EXOC4: variants seen among roughly 807,000 people sequenced by gnomAD.
EXOC4 encodes the protein SEC8-like 1.
Under a neutral mutation model 107.2 loss-of-function variants are expected in EXOC4, and 71 were observed. The ratio of observed to expected loss-of-function variants is 0.66; its 90% CI spans 0.55 to 0.81. The LOEUF is 0.81. Ranked by LOEUF, EXOC4 falls within the 30% of genes least tolerant of loss-of-function variation. The probability of loss-of-function intolerance (pLI) is 0.00; values close to 1 mark genes in which losing one functional copy is unlikely to be tolerated. For synonymous variants in EXOC4, 456 were observed against 441.2 expected, an observed-to-expected ratio of 1.03 and a Z score of -0.42; for missense variants, 1,108 against 1,189.6, an observed-to-expected ratio of 0.93 and a Z score of 1.01.
chr7:133,612,745 A>G (rs547995306), intron 9 of EXOC4, among the ~76,000 whole-genome samples: 3 of 152,180 alleles, frequency 2.0e-5, no homozygotes. Context: ...GGTGAGAGGT[A>G]CTGGGATTCT....
At chr7:133,563,430 A>G (rs540009828) in intron 9 of EXOC4, among the ~76,000 whole-genome samples, 4 of 152,128 alleles carry the variant, frequency 2.6e-5, no homozygotes, top group Admixed American at 1.3e-4. Flanking sequence ...TTTCTCCTCC[A>G]TCTTACATGT....
At chr7:133,730,786 A>G (rs974247455) in intron 10 of EXOC4, among the ~76,000 whole-genome samples, 1 of 152,156 alleles carries the variant, frequency 6.6e-6, no homozygotes, top group African/African-American at 2.4e-5. Flanking sequence ...TATGTGCTAT[A>G]TTGGTTTTAT....
chr7:134,064,177 G>A lies in EXOC4; in HGVS notation c.2688-114G>A, dbSNP rs1404762400. ...GGTGGGGCCTAGAACACTGCCTGCT[G>A]ATCAATCGTTATGAAGTAAGTAGAG... On this transcript the variant is annotated intron_variant, in intron 17 of 17. Coordinates refer to ENST00000253861, the MANE Select transcript of EXOC4 (RefSeq NM_021807.4). 4.0e-5 allele frequency: 25 copies of A among 617,980 alleles called. No individual in the cohort carries two copies. The Admixed American group carries it at 7.0e-4, about 17-fold the overall frequency. The allele number at this position is 617,980 out of a possible 1,614,324, so 38.3% of individuals were successfully genotyped here.
chr7:133,470,920 G>A (rs1352583782), intron 7 of EXOC4, among the ~76,000 whole-genome samples: 1 of 152,050 alleles, frequency 6.6e-6, no homozygotes. Context: ...GAACCCATAG[G>A]TGTGTGCTTA....
rs1015838964 is a variant in EXOC4, at chr7:133,526,118, C to T, written c.1417+45980C>T. 1.5e-4 allele frequency among the ~76,000 whole-genome samples: 23 copies of T among 152,174 alleles called. 1 individual carries two copies. The highest frequency in any genetic ancestry group is 5.5e-4 in the African/African-American group (23 of 41,446). Reference sequence around the variant, plus strand: ...TTCACTTATTCTGCCAGAAGAGACACTTGGTTGGTACATTATTTTCTTTTT... The same window carrying T: ...TTCACTTATTCTGCCAGAAGAGACATTTGGTTGGTACATTATTTTCTTTTT... On this transcript the variant is annotated intron_variant, in intron 9 of 17. Transcript: ENST00000253861.
chr7:133,723,262 G>T (rs572676436), intron 10 of EXOC4, among the ~76,000 whole-genome samples: 2 of 152,314 alleles, frequency 1.3e-5, no homozygotes, highest in South Asian at 4.1e-4. Context: ...GCTGCAGCTG[G>T]CACTAGCTGG....
At chr7:133,778,152 G>C (rs779121152) in intron 10 of EXOC4, among the ~76,000 whole-genome samples, 1 of 152,194 alleles carries the variant, frequency 6.6e-6, no homozygotes, top group Non-Finnish European at 1.5e-5. Flanking sequence ...AGTATTACGA[G>C]TTTTGACCCA....
chr7:133,729,674 A>T (rs530677221), intron 10 of EXOC4, among the ~76,000 whole-genome samples: 12 of 152,078 alleles, frequency 7.9e-5, no homozygotes, highest in Non-Finnish European at 1.8e-4. Flanking sequence ...AAGACTTCTC[A>T]AGCTTTCTTG....
intron 9 of EXOC4, among the ~76,000 whole-genome samples, chr7:133,613,132 G>T (rs936687583): frequency 6.6e-6 from 1 of 151,958 alleles, no homozygotes; most frequent in African/African-American, 2.4e-5. Flanking sequence ...ACTATATATT[G>T]ATATTAGTCT....
intron 7 of EXOC4, among the ~76,000 whole-genome samples, chr7:133,410,388 G>A (rs1584895076): frequency 1.3e-5 from 2 of 152,186 alleles, no homozygotes; most frequent in African/African-American, 2.4e-5. Context: ...CTGTGTGTGT[G>A]ATTTTTTTTC....
chr7:133,451,780 G>A (rs1798353542), intron 7 of EXOC4, among the ~76,000 whole-genome samples: 1 of 152,048 alleles, frequency 6.6e-6, no homozygotes, highest in African/African-American at 2.4e-5. Flanking sequence ...CTTCACTAAG[G>A]TCTCCAGCAT....
rs1799232246 is a variant in EXOC4 at position 133,893,253 on chromosome 7, G to A, written c.1735-2346G>A. Among the ~76,000 whole-genome samples, 2 of 78,526 alleles carry A rather than the reference G, an allele frequency of 2.5e-5. 1 individual carries two copies. The highest frequency in any genetic ancestry group is 1.1e-3 in the South Asian group (2 of 1,806). The allele number at this position is 78,526 out of a possible 152,430, so 51.5% of individuals were successfully genotyped here. Reference sequence around the variant, plus strand: ...ATCAGAGACTAGGATTGCAACCCCTGCCTTTTTTTGTTTTCCATTTGCTTG... The same window carrying A: ...ATCAGAGACTAGGATTGCAACCCCTACCTTTTTTTGTTTTCCATTTGCTTG... On this transcript the variant is annotated intron_variant, in intron 11 of 17. Coordinates refer to ENST00000253861, the MANE Select transcript of EXOC4 (RefSeq NM_021807.4).
At chr7:134,026,827 G>A (rs1795147003) in intron 17 of EXOC4, among the ~76,000 whole-genome samples, 1 of 106 alleles carries the variant, frequency 9.4e-3, no homozygotes, top group African/African-American at 0.062. Flanking sequence ...TTTATAGGCA[G>A]AGCAACGTTG....
intron 9 of EXOC4, chr7:133,602,144 A>T (rs569623097): frequency 1.3e-5 from 2 of 152,378 alleles, no homozygotes; most frequent in African/African-American, 4.8e-5. Flanking sequence ...TGATATCATA[A>T]ACAAATTTGT....
chr7:133,554,211 G>A (rs1276126340), intron 9 of EXOC4, among the ~76,000 whole-genome samples: 1 of 152,012 alleles, frequency 6.6e-6, no homozygotes, highest in Non-Finnish European at 1.5e-5. Context: ...TTTGTAGACT[G>A]TACTACTATA....
intron 7 of EXOC4, among the ~76,000 whole-genome samples, chr7:133,423,638 C>G (rs1406635443): frequency 6.6e-6 from 1 of 152,248 alleles, no homozygotes; most frequent in Non-Finnish European, 1.5e-5. Flanking sequence ...AACGTGCTAG[C>G]AGCCCTCGGT....
intron 5 of EXOC4, among the ~76,000 whole-genome samples, chr7:133,337,744 C>T (rs1795553058): frequency 1.3e-5 from 2 of 150,764 alleles, no homozygotes; most frequent in South Asian, 2.1e-4. Context: ...GTTGATCCTC[C>T]CACCTCAGCC....
intron 14 of EXOC4, among the ~76,000 whole-genome samples, chr7:133,940,982 A>T (rs1012022108): frequency 1.6e-4 from 25 of 151,768 alleles, no homozygotes; most frequent in African/African-American, 5.1e-4. Flanking sequence ...TTGCTGTGAT[A>T]GGGTGGAAAA....
chr7:133,824,372 C>T (rs1797648679), intron 11 of EXOC4, among the ~76,000 whole-genome samples: 1 of 152,040 alleles, frequency 6.6e-6, no homozygotes, highest in Admixed American at 6.6e-5. Flanking sequence ...TTCTCATCAC[C>T]AGCTTGCTGT....
Sources: gnomAD v4.1 joint callset for allele counts (sites outside exome capture counted in the v4.1 genomes callset) on GRCh38, gnomAD v4.1.1 for gene constraint, MANE v1.5 for transcripts, NCBI Gene and HGNC (gene_info 2026-07-23, HGNC 2026-07-21) for gene names.